SAMD3: variants seen among roughly 807,000 people sequenced by gnomAD.
SAMD3 encodes sterile alpha motif domain containing 3.
A neutral mutation model predicts 58.5 loss-of-function variants in SAMD3; 63 were observed. The ratio of observed to expected loss-of-function variants is 1.08; its 90% CI spans 0.88 to 1.33. The LOEUF is 1.33. Ranked by LOEUF, SAMD3 falls within the 40% of genes most tolerant of loss-of-function variation. SAMD3 has a pLI of 0.00. For synonymous variants in SAMD3, 220 were observed against 210.3 expected (o/e 1.05, Z -0.40); for missense variants, 604 against 608.4 (o/e 0.99, Z 0.08).
At chr6:130,226,954 T>C (rs1399350434), upstream of SAMD3, among the ~76,000 whole-genome samples, 1 of 152,240 alleles carries the variant, frequency 6.6e-6, no homozygotes, top group African/African-American at 2.4e-5. Context: ...AAATAAATTG[T>C]GCAAAAATAT....
At chr6:130,172,143 T>C (rs1791310260) in intron 8 of SAMD3, among the ~76,000 whole-genome samples, 1 of 152,222 alleles carries the variant, frequency 6.6e-6, no homozygotes, top group African/African-American at 2.4e-5. Context: ...AGCACACTGA[T>C]GGGTCTTGAC....
At chr6:130,325,282 G>C (rs965904146) in intron 1 of SAMD3, among the ~76,000 whole-genome samples, 1 of 152,176 alleles carries the variant, frequency 6.6e-6, no homozygotes, top group Non-Finnish European at 1.5e-5. Context: ...TGCAAGGAGA[G>C]CTAAGGAAGC....
At chr6:130,177,613 G>C (rs777704074) in intron 7 of SAMD3, among the ~76,000 whole-genome samples, 17 of 152,214 alleles carry the variant, frequency 1.1e-4, no homozygotes, top group Non-Finnish European at 8.8e-5. Flanking sequence ...GCTTGGTGTT[G>C]GATCTCTCCT....
chr6:130,180,923 T>G (rs1792247999), intron 7 of SAMD3, among the ~76,000 whole-genome samples: 1 of 140,728 alleles, frequency 7.1e-6, no homozygotes, highest in Non-Finnish European at 1.5e-5. Context: ...GATTTGAAAC[T>G]TTTCTTTTCT....
intron 2 of SAMD3, among the ~76,000 whole-genome samples, chr6:130,304,694 A>G (rs2250): frequency 0.11 from 16,803 of 152,036 alleles, 1,039 homozygotes; most frequent in Admixed American, 0.14. Context: ...GCTAAGTTCC[A>G]TGAAAAAAAA....
chr6:130,247,760 C>A (rs1161319217), intron 2 of SAMD3, among the ~76,000 whole-genome samples: 1 of 152,136 alleles, frequency 6.6e-6, no homozygotes. Flanking sequence ...ACATATTTGA[C>A]TGCTACGTAG....
chr6:130,198,014 A>G (rs1479587698), intron 5 of SAMD3, among the ~76,000 whole-genome samples: 2 of 151,836 alleles, frequency 1.3e-5, no homozygotes, highest in African/African-American at 4.8e-5. Context: ...AAGCTCCCCC[A>G]CTGAGTACCT....
chr6:130,202,178 A>G (rs926097911), intron 5 of SAMD3, among the ~76,000 whole-genome samples: 1 of 152,212 alleles, frequency 6.6e-6, no homozygotes, highest in Non-Finnish European at 1.5e-5. Context: ...TCTAGCTCAA[A>G]GCCAATATTC....
chr6:130,358,338 A>G (rs1777894487), intron 1 of SAMD3, among the ~76,000 whole-genome samples: 1 of 152,232 alleles, frequency 6.6e-6, no homozygotes, highest in African/African-American at 2.4e-5. Context: ...GGAAGCTTTC[A>G]ATTCTGATTG....
At position 130,195,014 on chromosome 6, in the gene SAMD3, A is replaced by G. The variant is rs1330481491; in HGVS notation, c.384-10391T>C. Among the ~76,000 whole-genome samples, 4 of 152,000 alleles carry G rather than the reference A, an allele frequency of 2.6e-5. No homozygotes were observed. The East Asian group carries it at 7.7e-4, about 29-fold the overall frequency. ...GGCGGCCAGGCTTCTAAACCTCTTA[A>G]AACCCCCCAACTCTGGTGCCAACTT... is the stretch of plus-strand genomic sequence containing the variant. On this transcript the variant is annotated intron_variant, in intron 5 of 11. Coordinates refer to ENST00000439090, the MANE Select transcript of SAMD3 (RefSeq NM_001017373.4).
intron 2 of SAMD3, among the ~76,000 whole-genome samples, chr6:130,235,128 T>C (rs1773102221): frequency 6.6e-6 from 1 of 151,974 alleles, no homozygotes; most frequent in African/African-American, 2.4e-5. Context: ...AAAAAGGAAA[T>C]AGGGAAATTG....
chr6:130,285,903 G>C (rs1248626185), intron 2 of SAMD3, among the ~76,000 whole-genome samples: 1 of 152,164 alleles, frequency 6.6e-6, no homozygotes, highest in Non-Finnish European at 1.5e-5. Flanking sequence ...GTAGGACCTT[G>C]AAGACTTTTG....
chr6:130,227,321 T>C (rs2114872915), upstream of SAMD3, among the ~76,000 whole-genome samples: 1 of 152,336 alleles, frequency 6.6e-6, no homozygotes, highest in East Asian at 1.9e-4. Context: ...TAAGGCTGAG[T>C]AATATTCCAT....
intron 1 of SAMD3, among the ~76,000 whole-genome samples, chr6:130,323,728 G>A (rs372294204): frequency 6.6e-6 from 1 of 150,902 alleles, no homozygotes; most frequent in South Asian, 2.1e-4. Context: ...GTTTGAACCC[G>A]GGAGGCGGAG....
intron 1 of SAMD3, among the ~76,000 whole-genome samples, chr6:130,316,057 G>A (rs1437906310): frequency 1.3e-5 from 2 of 152,236 alleles, no homozygotes; most frequent in South Asian, 2.1e-4. Context: ...TCGGGAGGCC[G>A]AGGTGGGTGG....
intron 8 of SAMD3, among the ~76,000 whole-genome samples, chr6:130,158,367 C>T (rs553490410): frequency 5.3e-5 from 8 of 152,034 alleles, no homozygotes; most frequent in Admixed American, 1.3e-4. Context: ...ACTTTACTAG[C>T]GGAAAACAGC....
At chr6:130,204,632 C>T (rs955244140) in intron 5 of SAMD3, among the ~76,000 whole-genome samples, 3 of 151,646 alleles carry the variant, frequency 2.0e-5, no homozygotes, top group South Asian at 2.1e-4. Flanking sequence ...ATCTGCTGTC[C>T]CTGGAGAAAA....
intron 8 of SAMD3, among the ~76,000 whole-genome samples, chr6:130,169,092 AGCCACCAT>A (rs1790988750): frequency 6.6e-6 from 1 of 152,162 alleles, no homozygotes; most frequent in African/African-American, 2.4e-5. Flanking sequence ...GGGATTAATG[AGCCACCAT>A]GCCTGGCTCA....
chr6:130,285,450 G>T (rs1007900601), intron 2 of SAMD3, among the ~76,000 whole-genome samples: 6 of 152,134 alleles, frequency 3.9e-5, no homozygotes, highest in African/African-American at 1.4e-4. Context: ...CTCTCATGTT[G>T]CTTGTCTTCA....
Sources: allele counts gnomAD v4.1 joint callset (sites outside exome capture counted in the v4.1 genomes callset), GRCh38; gene constraint gnomAD v4.1.1; transcripts MANE v1.5; gene names NCBI Gene and HGNC (gene_info 2026-07-23, HGNC 2026-07-21).